Variants in CFAP92 observed in about 807,000 individuals in gnomAD.
The protein encoded by CFAP92 is cilia and flagella associated protein 92 (putative), also known as uncharacterized protein CFAP92.
A neutral mutation model predicts 106.3 loss-of-function variants in CFAP92; 86 were observed. The ratio of observed to expected loss-of-function variants is 0.81; its 90% CI spans 0.68 to 0.97. The LOEUF is 0.97. CFAP92 is among the 50% of genes least tolerant of loss of function. The pLI is 0.00. For missense variants in CFAP92, 1,204 were observed against 1,283.8 expected (o/e 0.94, Z 0.95); for synonymous variants, 477 against 506.4 (o/e 0.94, Z 0.78).
chr3:128,934,140 T>G (rs1468585395), intron 11 of CFAP92, among the ~76,000 whole-genome samples: 3 of 151,572 alleles, frequency 2.0e-5, no homozygotes, highest in Non-Finnish European at 4.4e-5. Flanking sequence ...CTGTGTTCTT[T>G]ATGTCATCTC....
chr3:128,965,086 C>T (rs1014298872), intron 9 of CFAP92, among the ~76,000 whole-genome samples: 1 of 152,202 alleles, frequency 6.6e-6, no homozygotes. Flanking sequence ...TGACATTCCA[C>T]CATTGTGATT....
intron 9 of CFAP92, among the ~76,000 whole-genome samples, chr3:128,963,541 G>A (rs534733861): frequency 1.3e-5 from 2 of 151,736 alleles, no homozygotes; most frequent in East Asian, 1.9e-4. Flanking sequence ...ACTTCAATCT[G>A]GCCTCCCACA....
intron 5 of CFAP92, among the ~76,000 whole-genome samples, chr3:128,977,728 G>T (rs1192980985): frequency 1.3e-5 from 2 of 152,104 alleles, no homozygotes; most frequent in African/African-American, 4.8e-5. Flanking sequence ...GTGTGGTAGT[G>T]GGCGCCTGTA....
the CFAP92 span, among the ~76,000 whole-genome samples, chr3:129,018,040 C>G: frequency 1.3e-5 from 2 of 152,164 alleles, no homozygotes; most frequent in Admixed American, 1.3e-4. Flanking sequence ...GTATGCAGTC[C>G]TGGCCATACA....
intron 12 of CFAP92, among the ~76,000 whole-genome samples, chr3:128,917,156 G>T: frequency 6.6e-6 from 1 of 152,336 alleles, no homozygotes; most frequent in East Asian, 1.9e-4. Context: ...GAGCACCTGC[G>T]AGAAGATTAT....
At chr3:128,960,695 T>C (rs548622022) in intron 9 of CFAP92, among the ~76,000 whole-genome samples, 29 of 152,276 alleles carry the variant, frequency 1.9e-4, no homozygotes, top group African/African-American at 6.7e-4. Flanking sequence ...CCTTCACCCT[T>C]AGCGGCTAGT....
intron 9 of CFAP92, among the ~76,000 whole-genome samples, chr3:128,951,188 T>C (rs1940740068): frequency 6.7e-6 from 1 of 150,312 alleles, no homozygotes; most frequent in Non-Finnish European, 1.5e-5. Context: ...TGAGCTGAGA[T>C]CGTGCCACTG....
rs772024768 is a variant in CFAP92, at chr3:128,912,502, C to CA, written c.3281-2170_3281-2169insT. The CA allele has an allele frequency of 3.1e-6, 5 of 1,612,886 alleles. No individual in the cohort carries two copies. The highest frequency in any genetic ancestry group is 4.2e-6 in the Non-Finnish European group (5 of 1,178,960). ...TCACCCACCATCTCTCCTTTTCCTT[C>CA]CCAGATGCTCCAGAAAACCTAGATG... On this transcript the variant is annotated intron_variant, in intron 15 of 15. Coordinates refer to ENST00000645291, the MANE Select transcript of CFAP92 (RefSeq NM_001394090.1).
upstream of CFAP92, among the ~76,000 whole-genome samples, chr3:129,006,267 C>T (rs1242106251): frequency 2.6e-5 from 4 of 152,198 alleles, no homozygotes; most frequent in Non-Finnish European, 4.4e-5. Flanking sequence ...AAGAAACCTG[C>T]GAGGCTAGTC....
intron 10 of CFAP92, among the ~76,000 whole-genome samples, chr3:128,939,543 A>G (rs1311903301): frequency 1.3e-5 from 2 of 150,736 alleles, no homozygotes; most frequent in East Asian, 1.9e-4. Context: ...CACCACCACC[A>G]TCATCAATTT....
chr3:128,975,883 G>A lies in CFAP92; in HGVS notation c.917C>T (p.Pro306Leu), dbSNP rs1487980920. 2 of 1,606,536 alleles carry A rather than the reference G, an allele frequency of 1.2e-6. No individual in the cohort carries two copies. The highest frequency in any genetic ancestry group is 2.7e-5 in the African/African-American group (2 of 74,602). ...GCTTGCTCCTGCCAAAGAAATGGTT[G>A]GTGTTCTTGAAACACTCCATCTAGA... Reference protein sequence around the residue: ...STIQWSVSRTPTISLAGASMM... With the variant: ...STIQWSVSRTLTISLAGASMM... Residue 306 changes from proline (P) to leucine (L), a missense_variant, in exon 7 of 16, where the codon CCA becomes CTA. By Grantham distance (98) the Pro-to-Leu change is moderately conservative (BLOSUM62 -3). Transcript: ENST00000645291.
At chr3:128,989,501 G>A (rs2107818319) in intron 2 of CFAP92, among the ~76,000 whole-genome samples, 1 of 152,118 alleles carries the variant, frequency 6.6e-6, no homozygotes, top group East Asian at 1.9e-4. Context: ...AATGTCATGG[G>A]TGAAGCTACC....
chr3:129,024,548 A>G, the CFAP92 span, among the ~76,000 whole-genome samples: 3 of 152,132 alleles, frequency 2.0e-5, no homozygotes, highest in East Asian at 1.9e-4. Context: ...AAGAAAAAAA[A>G]AAAGAAAAAG....
chr3:128,988,652 G>A (rs1944012944), intron 3 of CFAP92, 76 bp downstream of exon 3: 1 of 1,436,866 alleles, frequency 7.0e-7, no homozygotes, highest in Admixed American at 1.9e-5. Context: ...AGCTGATGTT[G>A]CATATCCATG....
At position 128,945,321 on chromosome 3, in the gene CFAP92, CCTT is replaced by C. The variant is rs1559881209; in HGVS notation, c.2005_2007del (p.Lys669del). On this transcript the variant is annotated inframe_deletion, in exon 10 of 16. Transcript: ENST00000645291. ...TGCAGCAGGCTGTGGAGCAGGGAGA[CCTT>C]CTTAAAGTCAAAGACGAAGATGATG... 6.5e-7 allele frequency: 1 copy of C among 1,536,098 alleles called. No individual in the cohort carries two copies. The highest frequency in any genetic ancestry group is 2.4e-5 in the East Asian group (1 of 40,914).
At chr3:128,951,349 G>A (rs1229868643) in intron 9 of CFAP92, among the ~76,000 whole-genome samples, 3 of 152,096 alleles carry the variant, frequency 2.0e-5, no homozygotes, top group Non-Finnish European at 2.9e-5. Flanking sequence ...ACAATTTCCC[G>A]GTGCTGAAGG....
upstream of CFAP92, among the ~76,000 whole-genome samples, chr3:128,996,890 T>C (rs530056675): frequency 2.0e-5 from 3 of 152,350 alleles, no homozygotes; most frequent in South Asian, 4.1e-4. Context: ...TCCTTCTATG[T>C]GGTGCCTCAT....
rs765304653 is a variant in CFAP92 at position 128,971,198 on chromosome 3, A to G, written c.1168+89T>C. 57 of 1,597,776 alleles carry G rather than the reference A, an allele frequency of 3.6e-5. 1 individual carries two copies. The Admixed American group carries it at 9.7e-4, about 27-fold the overall frequency. On this transcript the variant is annotated intron_variant, in intron 8 of 15. Coordinates refer to ENST00000645291, the MANE Select transcript of CFAP92 (RefSeq NM_001394090.1). ...GTGAGGATGAAATGAGGTGGCACGC[A>G]GCAGGGTTGTCATTAGGAGCATCCG...
chr3:128,910,091 C>T lies in CFAP92; in HGVS notation c.*208G>A. 6.2e-7 allele frequency: 1 copy of T among 1,613,898 alleles called. No homozygotes were observed. The highest frequency in any genetic ancestry group is 8.5e-7 in the Non-Finnish European group (1 of 1,180,000). On this transcript the variant is annotated 3_prime_UTR_variant, in exon 16 of 16. Transcript: ENST00000645291. ...CTCATCAACCTGTATGGCATGACGG[C>T]CGTGCTGTCGCGGGCCAGCCGCTCC...
Sources: allele counts gnomAD v4.1 joint callset (sites outside exome capture counted in the v4.1 genomes callset), GRCh38; gene constraint gnomAD v4.1.1; transcripts MANE v1.5; gene names NCBI Gene and HGNC (gene_info 2026-07-23, HGNC 2026-07-21).